STK35: variants seen among roughly 807,000 people sequenced by gnomAD.
STK35 encodes serine/threonine-protein kinase 35.
A neutral mutation model predicts 37.3 loss-of-function variants in STK35; 17 were observed. The ratio of observed to expected loss-of-function variants is 0.46; its 90% confidence interval spans 0.31 to 0.68. The LOEUF is 0.68. Among genes scored for constraint, STK35 ranks in the 30% least tolerant of loss-of-function variants. The pLI, the probability that STK35 is intolerant of heterozygous loss-of-function variation, is 0.05. For missense variants in STK35, 595 were observed against 746.7 expected (o/e 0.80, Z 2.37); for synonymous variants, 385 against 319.1 (o/e 1.21, Z -2.20).
chr20:2,125,710 T>C (rs1465848333), intron 3 of STK35, among the ~76,000 whole-genome samples: 1 of 152,232 alleles, frequency 6.6e-6, no homozygotes, highest in Non-Finnish European at 1.5e-5. Flanking sequence ...ATTCCTCCTG[T>C]GTTACAATGA....
chr20:2,125,468 A>G (rs908394033), intron 3 of STK35, among the ~76,000 whole-genome samples: 18 of 152,226 alleles, frequency 1.2e-4, no homozygotes, highest in African/African-American at 3.4e-4. Flanking sequence ...TTGAGACGAG[A>G]TGTATCTGTC....
rs150498734 is a variant in STK35 at position 2,117,192 on chromosome 20, C to G, written c.1419C>G (p.Ile473Met). Residue 473 changes from isoleucine to methionine, a missense_variant, in exon 3 of 4, where the codon ATC (isoleucine) becomes ATG (methionine). Transcript: ENST00000381482. This position sits in a 1 kb window ranked among gnomAD's most constrained non-coding sequence, Gnocchi z 4.4. Reference sequence around the variant, plus strand: ...CCTACATTAAACAGGGGACTGAGATCGTCCCTGTTGGTGAGGCGCTGCTAG... The same window carrying G: ...CCTACATTAAACAGGGGACTGAGATGGTCCCTGTTGGTGAGGCGCTGCTAG... ...LGTYIKQGTEIVPVGEALLEN... is the reference protein window; with the variant it reads ...LGTYIKQGTEMVPVGEALLEN... The G allele has an allele frequency of 2.5e-6, 4 of 1,614,004 alleles. No homozygotes were observed. The highest frequency in any genetic ancestry group is 1.7e-5 in the Admixed American group (1 of 60,006).
At chr20:2,108,850 TC>T (rs1985565623) in intron 2 of STK35, among the ~76,000 whole-genome samples, 1 of 152,208 alleles carries the variant, frequency 6.6e-6, no homozygotes, top group South Asian at 2.1e-4. Context: ...TGTAGTCTGC[TC>T]ATATTCACCT....
chr20:2,101,870 G>A lies in STK35; in HGVS notation c.-12G>A. ...GGGCGGTGCAGGGCTCACTCGGCTG[G>A]CGTCCCGGGGGATGGGCCACCAGGA... On this transcript the variant is annotated 5_prime_UTR_variant, in exon 1 of 4. Coordinates refer to ENST00000381482, the MANE Select transcript of STK35 (RefSeq NM_080836.4). 1 of 1,410,266 alleles carries A rather than the reference G, an allele frequency of 7.1e-7. No individual in the cohort carries two copies. The highest frequency in any genetic ancestry group is 9.3e-7 in the Non-Finnish European group (1 of 1,079,970). The allele number at this position is 1,410,266 out of a possible 1,614,324, so 87.4% of individuals were successfully genotyped here. A position where few individuals can be genotyped will look rare whatever the true frequency, so the allele number is the denominator to read the frequency against.
chr20:2,131,230 G>C (rs1985994025), intron 3 of STK35, among the ~76,000 whole-genome samples: 1 of 152,188 alleles, frequency 6.6e-6, no homozygotes, highest in African/African-American at 2.4e-5. Flanking sequence ...TTGTGGTACT[G>C]AATACTACTA....
intron 3 of STK35, among the ~76,000 whole-genome samples, chr20:2,143,133 T>C (rs1190746497): frequency 6.6e-6 from 1 of 152,196 alleles, no homozygotes; most frequent in East Asian, 1.9e-4. Flanking sequence ...AGCTCCTGTT[T>C]ACTCAGTTGC....
intron 2 of STK35, among the ~76,000 whole-genome samples, chr20:2,114,768 A>G (rs898839000): frequency 6.6e-6 from 1 of 152,208 alleles, no homozygotes; most frequent in Non-Finnish European, 1.5e-5. Flanking sequence ...TTAGGTTGCC[A>G]TAGTTACTAA....
At chr20:2,131,747 C>T (rs1279446008) in intron 3 of STK35, among the ~76,000 whole-genome samples, 2 of 151,976 alleles carry the variant, frequency 1.3e-5, no homozygotes, top group Admixed American at 6.6e-5. Flanking sequence ...GACAGGGTCG[C>T]GCTCTGTCAC....
At chr20:2,128,141 G>A (rs149978562) in intron 3 of STK35, among the ~76,000 whole-genome samples, 333 of 152,274 alleles carry the variant, frequency 2.2e-3, no homozygotes, top group African/African-American at 7.8e-3. Flanking sequence ...TACTGAGTTG[G>A]AAACTGGGGA....
At chr20:2,104,222 A>G (rs1406440346) in intron 2 of STK35, among the ~76,000 whole-genome samples, 1 of 152,152 alleles carries the variant, frequency 6.6e-6, no homozygotes, top group Non-Finnish European at 1.5e-5. Flanking sequence ...CCTTTTTCAT[A>G]CTACCAGTAG....
chr20:2,132,227 C>T (rs1986012872), intron 3 of STK35, among the ~76,000 whole-genome samples: 1 of 152,212 alleles, frequency 6.6e-6, no homozygotes, highest in African/African-American at 2.4e-5. Context: ...ACCGCACTGT[C>T]TCAGGGCCAC....
intron 2 of STK35, among the ~76,000 whole-genome samples, chr20:2,113,523 A>G (rs1006135575): frequency 1.3e-5 from 2 of 152,162 alleles, no homozygotes; most frequent in African/African-American, 2.4e-5. Flanking sequence ...TTCAAATAGG[A>G]ATAGCCTGGT....
chr20:2,134,801 G>C (rs920488635), intron 3 of STK35, among the ~76,000 whole-genome samples: 1 of 152,136 alleles, frequency 6.6e-6, no homozygotes, highest in African/African-American at 2.4e-5. Flanking sequence ...TGAGGCAGGA[G>C]AATCGCTTGA....
At chr20:2,102,363 A>G (rs1474403607) in intron 1 of STK35, among the ~76,000 whole-genome samples, 188 bp downstream of exon 1, 1 of 152,162 alleles carries the variant, frequency 6.6e-6, no homozygotes, top group Non-Finnish European at 1.5e-5. Context: ...CTAGGGCTTA[A>G]TTCAATGGAC....
At chr20:2,110,802 C>T (rs1189225336) in intron 2 of STK35, among the ~76,000 whole-genome samples, 1 of 152,172 alleles carries the variant, frequency 6.6e-6, no homozygotes, top group South Asian at 2.1e-4. Flanking sequence ...CTCTGGGGGG[C>T]ACGCATCAGA....
chr20:2,113,171 A>G (rs1261446906), intron 2 of STK35, among the ~76,000 whole-genome samples: 2 of 152,106 alleles, frequency 1.3e-5, no homozygotes, highest in African/African-American at 4.8e-5. Context: ...CCCTTCCTCA[A>G]TGCACAGGCA....
At chr20:2,138,789 G>A (rs1219521471) in intron 3 of STK35, among the ~76,000 whole-genome samples, 1 of 152,180 alleles carries the variant, frequency 6.6e-6, no homozygotes, top group Non-Finnish European at 1.5e-5. Flanking sequence ...GGAGACCAAG[G>A]CAGGAGGATT....
At position 2,148,492 on chromosome 20, in the gene STK35, A is replaced by G. The variant is rs543376450; in HGVS notation, c.*4746A>G. The stretch of plus-strand genomic sequence containing the variant: ...ATGAATGACTGAGGCTTTGTAAATT[A>G]AGGGACGTTTGTGTGAATAAAGTTA... On this transcript the variant is annotated 3_prime_UTR_variant, in exon 4 of 4. Coordinates refer to ENST00000381482, the MANE Select transcript of STK35 (RefSeq NM_080836.4). 1.8e-4 allele frequency: 27 copies of G among 152,750 alleles called. No individual in the cohort carries two copies. Among genetic ancestry groups the G allele is most frequent in the African/African-American group, 6.5e-4 (27 of 41,566 alleles). 9.5% of individuals were successfully genotyped at this position (152,750 alleles called of 1,614,324 possible).
intron 3 of STK35, among the ~76,000 whole-genome samples, chr20:2,128,240 C>T (rs938658461): frequency 2.0e-5 from 3 of 152,202 alleles, no homozygotes; most frequent in Non-Finnish European, 4.4e-5. Flanking sequence ...GTGCAGTCAG[C>T]CACCCTGCCA....
Sources: gnomAD v4.1 joint callset for allele counts (sites outside exome capture counted in the v4.1 genomes callset) on GRCh38, gnomAD v4.1.1 for gene constraint, Gnocchi (gnomAD v3.1) non-coding constraint, MANE v1.5 for transcripts, NCBI Gene and HGNC (gene_info 2026-07-23, HGNC 2026-07-21) for gene names.